The following RGS14 variants were observed in gnomAD, a reference collection of about 807,000 sequenced individuals.
The protein encoded by RGS14 is regulator of G-protein signaling 14.
In RGS14, 33 loss-of-function variants were observed where a neutral mutation model predicts 63.8. The ratio of observed to expected loss-of-function variants is 0.52; its 90% CI spans 0.39 to 0.69. The LOEUF is 0.69. RGS14 is among the 30% of genes least tolerant of loss of function. The pLI, the probability that RGS14 is intolerant of heterozygous loss-of-function variation, is 0.00. For synonymous variants in RGS14, 296 were observed against 320.9 expected (o/e 0.92, Z 0.83); for missense variants, 739 against 742.9 (o/e 0.99, Z 0.06).
rs969103618 is a variant in RGS14 at position 177,358,963 on chromosome 5, C to T, written c.45+894C>T. On this transcript the variant is annotated intron_variant, in intron 1 of 14. Coordinates refer to ENST00000408923, the MANE Select transcript of RGS14 (RefSeq NM_006480.5). The surrounding 1 kb of genome is among the most constrained non-coding windows in gnomAD (Gnocchi z 4.8). ...TCTCTCTTACTGGAGGGAGGGTCCT[C>T]GCCAGCTCTCAGTTTCCTCATCCCT... Among the ~76,000 whole-genome samples the T allele has an allele frequency of 6.6e-6, 1 of 152,184 alleles. No homozygotes were observed. Among genetic ancestry groups the T allele is most frequent in the Non-Finnish European group, 1.5e-5 (1 of 68,038 alleles).
chr5:177,371,990 G>A lies in RGS14; in HGVS notation c.1616G>A (p.Ser539Asn). The change falls in exon 15 of 15, where the codon AGC becomes AAC. Residue 539 changes from serine to asparagine, a missense_variant. By Grantham distance (46) the Ser-to-Asn change is conservative. Coordinates refer to ENST00000408923, the MANE Select transcript of RGS14 (RefSeq NM_006480.5). The surrounding 1 kb of genome is among the most constrained non-coding windows in gnomAD (Gnocchi z 6.1). ...CTGCAGCTGCCCGCCCAAGGGCCCA[G>A]CTCCGAGGAGACCCCACCACAGACC... ...EFLQLPAQGP[S>N]SEETPPQTKS... 2 of 1,614,142 alleles carry A rather than the reference G, an allele frequency of 1.2e-6. No individual in the cohort carries two copies. Among genetic ancestry groups the A allele is most frequent in the Admixed American group, 3.3e-5 (2 of 60,024 alleles).
chr5:177,359,923 T>C lies in RGS14; in HGVS notation c.45+1854T>C, dbSNP rs1017397864. ...TGCTGTGCCGAGGTCAGCCAGAGAG[T>C]AGAGCGTCAGCATCTGAACCCCCAG... On this transcript the variant is annotated intron_variant, in intron 1 of 14. Transcript: ENST00000408923. The surrounding 1 kb of genome is among the most constrained non-coding windows in gnomAD (Gnocchi z 4.4). Among the ~76,000 whole-genome samples the C allele has an allele frequency of 1.3e-5, 2 of 151,960 alleles. No homozygotes were observed. Among genetic ancestry groups the C allele is most frequent in the Non-Finnish European group, 2.9e-5 (2 of 67,976 alleles).
At chr5:177,362,402 G>A (rs1761987083) in intron 1 of RGS14, among the ~76,000 whole-genome samples, 1 of 152,164 alleles carries the variant, frequency 6.6e-6, no homozygotes, top group Non-Finnish European at 1.5e-5. Context: ...TGAGGAGGGA[G>A]TTCAGATCTG....
rs1762097568 is a variant in RGS14 at position 177,366,580 on chromosome 5, C to T, written c.247-128C>T. On this transcript the variant is annotated intron_variant, in intron 3 of 14. Coordinates refer to ENST00000408923, the MANE Select transcript of RGS14 (RefSeq NM_006480.5). ...TTCAGATCGGTCTGGCTCCGTCTGT[C>T]TGTCTGGCCCTGTCTGTCTGGCTTG... The T allele has an allele frequency of 1.0e-5, 9 of 902,976 alleles. No homozygotes were observed. The East Asian group carries it at 2.3e-4, about 23-fold the overall frequency. 55.9% of individuals were successfully genotyped at this position (902,976 alleles called of 1,614,324 possible). A position where few individuals can be genotyped will look rare whatever the true frequency, so the allele number is the denominator to read the frequency against.
chr5:177,360,603 G>A (rs1359294946), intron 1 of RGS14, among the ~76,000 whole-genome samples: 1 of 150,496 alleles, frequency 6.6e-6, no homozygotes, highest in African/African-American at 2.4e-5. Context: ...TGGAAGGAAG[G>A]GAGGGAGGGA....
chr5:177,358,456 A>C lies in RGS14; in HGVS notation c.45+387A>C. Among the ~76,000 whole-genome samples the C allele has an allele frequency of 6.7e-6, 1 of 150,290 alleles. No individual in the cohort carries two copies. Among genetic ancestry groups the C allele is most frequent in the Non-Finnish European group, 1.5e-5 (1 of 67,570 alleles). ...GCTCAGCCTGAGTCCTCCCCTCCTCACCCCCTGCTCCAGGTGCCCAAGGTC... is the reference window on the plus strand; with the variant it reads ...GCTCAGCCTGAGTCCTCCCCTCCTCCCCCCCTGCTCCAGGTGCCCAAGGTC... On this transcript the variant is annotated intron_variant, in intron 1 of 14. Transcript: ENST00000408923. This position sits in a 1 kb window ranked among gnomAD's most constrained non-coding sequence, Gnocchi z 4.8.
At chr5:177,368,622 T>C (rs1762165375) in intron 8 of RGS14, 95 bp from the exon 9 acceptor site, 1 of 1,289,986 alleles carries the variant, frequency 7.8e-7, no homozygotes, top group Non-Finnish European at 1.1e-6. Flanking sequence ...TGCGTGTGCA[T>C]GCTTGAGCCC....
rs751582052 is a variant in RGS14 at position 177,371,511 on chromosome 5, C to T, written c.1420C>T (p.Pro474Ser). The T allele has an allele frequency of 1.9e-6, 3 of 1,614,152 alleles. No individual in the cohort carries two copies. Among genetic ancestry groups the T allele is most frequent in the Non-Finnish European group, 2.5e-6 (3 of 1,180,026 alleles). ...TAGAACTCAGGATAAGGCCACCCAT[C>T]CCCCTCCAGCGTCCCCCAGTTCTCT... The part of the protein sequence containing the change: ...PPRTQDKATH[P>S]PPASPSSLVK... The change falls in exon 14 of 15, where the codon CCC becomes TCC. Residue 474 changes from proline to serine, a missense_variant. By Grantham distance (74) the Pro-to-Ser change is moderately conservative. Coordinates refer to ENST00000408923, the MANE Select transcript of RGS14 (RefSeq NM_006480.5). The surrounding 1 kb of genome is among the most constrained non-coding windows in gnomAD (Gnocchi z 6.1).
intron 1 of RGS14, among the ~76,000 whole-genome samples, chr5:177,361,500 C>T (rs1761964728): frequency 6.6e-6 from 1 of 152,092 alleles, no homozygotes; most frequent in Admixed American, 6.5e-5. Flanking sequence ...CAAAGGGAGT[C>T]AGCTTGGGTA....
chr5:177,363,188 C>T (rs1762009657), intron 1 of RGS14, among the ~76,000 whole-genome samples: 1 of 152,180 alleles, frequency 6.6e-6, no homozygotes, highest in South Asian at 2.1e-4. Context: ...CGTCCCTCCT[C>T]GCAGCCCTCT....
intron 1 of RGS14, among the ~76,000 whole-genome samples, chr5:177,361,789 A>C (rs1761970978): frequency 6.6e-6 from 1 of 152,126 alleles, no homozygotes; most frequent in Non-Finnish European, 1.5e-5. Flanking sequence ...CCAAATTCCT[A>C]AGAAAAAAAT....
chr5:177,358,404 C>T lies in RGS14; in HGVS notation c.45+335C>T, dbSNP rs1036029038. Among the ~76,000 whole-genome samples, 6 of 152,136 alleles carry T rather than the reference C, an allele frequency of 3.9e-5. No individual in the cohort carries two copies. The highest frequency in any genetic ancestry group is 1.2e-4 in the African/African-American group (5 of 41,434). On this transcript the variant is annotated intron_variant, in intron 1 of 14. Transcript: ENST00000408923. This position sits in a 1 kb window ranked among gnomAD's most constrained non-coding sequence, Gnocchi z 4.8. ...TGTGCTCCTTGCCCCCTGCCCATCC[C>T]CACAGTGGCTCAAGCCCCTACATCC...
At position 177,368,184 on chromosome 5, in the gene RGS14, T is replaced by C; in HGVS notation, c.767T>C (p.Leu256Ser). 6.2e-7 allele frequency: 1 copy of C among 1,613,866 alleles called. No homozygotes were observed. Among genetic ancestry groups the C allele is most frequent in the Non-Finnish European group, 8.5e-7 (1 of 1,179,912 alleles). ...CTGGGCGGGACTGCAAACGCCGCCT[T>C]GCGCCGAGAGTCTCAGGGCTCCCTC... ...RELGGTANAA[L>S]RRESQGSLNS... The change falls in exon 8 of 15, where the codon TTG becomes TCG. Residue 256 changes from leucine to serine, a missense_variant. By Grantham distance (145) the Leu-to-Ser change is moderately radical (BLOSUM62 -2). Coordinates refer to ENST00000408923, the MANE Select transcript of RGS14 (RefSeq NM_006480.5).
intron 1 of RGS14, among the ~76,000 whole-genome samples, chr5:177,362,287 G>A (rs1761983522): frequency 6.6e-6 from 1 of 152,228 alleles, no homozygotes; most frequent in Non-Finnish European, 1.5e-5. Context: ...GGCTCAGGAT[G>A]GAGAGCTACA....
rs1253065970 is a variant in RGS14, at chr5:177,371,110, C to G, written c.1255-55C>G. The G allele has an allele frequency of 7.5e-6, 9 of 1,192,530 alleles. No individual in the cohort carries two copies. The Middle Eastern group carries it at 1.4e-3, about 180-fold the overall frequency. 73.9% of individuals were successfully genotyped at this position (1,192,530 alleles called of 1,614,324 possible). The stretch of plus-strand genomic sequence containing the variant: ...CCGGGGCCGGGGCCGGGGCCGGGGC[C>G]GGGGCCGGGGCCGGGCGGAGGCCTG... On this transcript the variant is annotated intron_variant, in intron 11 of 14. Transcript: ENST00000408923. This position sits in a 1 kb window ranked among gnomAD's most constrained non-coding sequence, Gnocchi z 6.1.
chr5:177,366,470 C>A, intron 3 of RGS14, 115 bp downstream of exon 3: 1 of 963,332 alleles, frequency 1.0e-6, no homozygotes, highest in Non-Finnish European at 1.5e-6. Flanking sequence ...AGCCTTCCTG[C>A]AGCACCCTCT....
chr5:177,369,341 AAAG>A (rs1762185199), intron 9 of RGS14, among the ~76,000 whole-genome samples: 1 of 152,172 alleles, frequency 6.6e-6, no homozygotes. Context: ...CTTAAACTTT[AAAG>A]AAGACCTAGG....
At position 177,366,781 on chromosome 5, in the gene RGS14, C is replaced by T. The variant is rs748003817; in HGVS notation, c.320C>T (p.Pro107Leu). The T allele has an allele frequency of 6.2e-7, 1 of 1,614,038 alleles. No homozygotes were observed. Among genetic ancestry groups the T allele is most frequent in the Non-Finnish European group, 8.5e-7 (1 of 1,180,032 alleles). The change falls in exon 4 of 15, where the codon CCG (proline) becomes CTG (leucine). Residue 107 changes from proline (P) to leucine (L), a missense_variant. By Grantham distance (98) the Pro-to-Leu change is moderately conservative. Transcript: ENST00000408923. ...GCCTGCGAGCGCTTCCAGCAGATCC[C>T]GGCCAGCGATACCCAGCAGGTGGGG... ...WKACERFQQI[P>L]ASDTQQLAQE...
intron 5 of RGS14, 122 bp from the exon 6 acceptor site, chr5:177,367,292 G>C: frequency 1.5e-6 from 2 of 1,355,790 alleles, no homozygotes; most frequent in South Asian, 2.8e-5. Flanking sequence ...AGGTCGGGGC[G>C]GGGCTTGGGA....
Sources: gnomAD v4.1 joint callset for allele counts (sites outside exome capture counted in the v4.1 genomes callset) on GRCh38, gnomAD v4.1.1 for gene constraint, Gnocchi (gnomAD v3.1) non-coding constraint, MANE v1.5 for transcripts, NCBI Gene and HGNC (gene_info 2026-07-23, HGNC 2026-07-21) for gene names.